PTPRD: variants seen among roughly 807,000 people sequenced by gnomAD.
The protein encoded by PTPRD is protein tyrosine phosphatase receptor type D.
In PTPRD, 34 loss-of-function variants were observed where a neutral mutation model predicts 214.5. The ratio of observed to expected loss-of-function variants is 0.16; its 90% CI spans 0.12 to 0.21. PTPRD has a LOEUF of 0.21. PTPRD is among the 10% of genes least tolerant of loss of function. PTPRD has a pLI of 1.00. For missense variants in PTPRD, 2,545 were observed against 2,398.7 expected, an observed-to-expected ratio of 1.06 and a Z score of -1.27; for synonymous variants, 1,128 against 845.7, an observed-to-expected ratio of 1.33 and a Z score of -5.79.
At chr9:10,604,567 G>T (rs953159243) in intron 2 of PTPRD, among the ~76,000 whole-genome samples, 7 of 151,832 alleles carry the variant, frequency 4.6e-5, no homozygotes, top group Admixed American at 4.6e-4. Flanking sequence ...AGAAAGCCTT[G>T]TTGCTTGCAA....
At chr9:8,433,478 G>T (rs553388622) in intron 35 of PTPRD, among the ~76,000 whole-genome samples, 2 of 152,270 alleles carry the variant, frequency 1.3e-5, no homozygotes, top group African/African-American at 4.8e-5. Context: ...TATCATCATA[G>T]GAGATGACAG....
rs111343678 is a variant in PTPRD, at chr9:8,485,716, C to T, written c.3055+46G>A. On this transcript the variant is annotated intron_variant, in intron 28 of 45. Coordinates refer to ENST00000381196, the MANE Select transcript of PTPRD (RefSeq NM_002839.4). ...GCTTCAAAATACTGATTTCCAAAGA[C>T]TGACAATCCTTTAAAGGAGGAAGGC... 4.2e-5 allele frequency: 62 copies of T among 1,484,832 alleles called. No homozygotes were observed. The African/African-American group carries it at 6.9e-4, about 16-fold the overall frequency. 92.0% of individuals were successfully genotyped at this position (1,484,832 alleles called of 1,614,324 possible).
At chr9:10,267,190 C>CAAA (rs530164049) in intron 3 of PTPRD, among the ~76,000 whole-genome samples, 1 of 76,028 alleles carries the variant, frequency 1.3e-5, no homozygotes, top group African/African-American at 4.8e-5. Context: ...GACTCCGTCT[C>CAAA]AAAAAAAAAA....
chr9:9,786,772 TA>T (rs200353573), intron 5 of PTPRD, among the ~76,000 whole-genome samples: 18 of 151,622 alleles, frequency 1.2e-4, no homozygotes, highest in African/African-American at 3.9e-4. Context: ...TAAAGTATAA[TA>T]AAAAAAAATC....
intron 5 of PTPRD, among the ~76,000 whole-genome samples, chr9:9,876,920 T>G (rs1360085740): frequency 6.6e-6 from 1 of 152,214 alleles, no homozygotes; most frequent in African/African-American, 2.4e-5. Flanking sequence ...AAATACATTA[T>G]TTAAATAGAC....
chr9:10,471,311 T>G (rs1566295173), intron 2 of PTPRD, among the ~76,000 whole-genome samples: 1 of 152,008 alleles, frequency 6.6e-6, no homozygotes, highest in East Asian at 1.9e-4. Flanking sequence ...ATAAATAAAA[T>G]AAAATTATAA....
At chr9:10,279,616 C>T (rs180990282) in intron 3 of PTPRD, among the ~76,000 whole-genome samples, 2 of 151,550 alleles carry the variant, frequency 1.3e-5, no homozygotes, top group Admixed American at 6.6e-5. Flanking sequence ...CGTGTCTACT[C>T]AACCTTCATT....
At chr9:9,242,100 A>G (rs905056290) in intron 9 of PTPRD, among the ~76,000 whole-genome samples, 5 of 151,996 alleles carry the variant, frequency 3.3e-5, no homozygotes, top group African/African-American at 1.2e-4. Context: ...TCCTTCACTT[A>G]TGAAGCTTAG....
At chr9:9,086,681 G>C (rs905554400) in intron 10 of PTPRD, among the ~76,000 whole-genome samples, 3 of 152,096 alleles carry the variant, frequency 2.0e-5, no homozygotes, top group Non-Finnish European at 2.9e-5. Context: ...CATTCCCTTG[G>C]TCCCAGCTGA....
chr9:9,284,558 C>A (rs912810462), intron 9 of PTPRD, among the ~76,000 whole-genome samples: 5 of 151,830 alleles, frequency 3.3e-5, no homozygotes, highest in African/African-American at 9.6e-5. Flanking sequence ...ACATCTTGGT[C>A]AATCATTTCT....
At chr9:8,832,351 T>C (rs1394195755) in intron 11 of PTPRD, among the ~76,000 whole-genome samples, 1 of 148,192 alleles carries the variant, frequency 6.7e-6, no homozygotes, top group Non-Finnish European at 1.5e-5. Context: ...ATTTTTGTAA[T>C]CATGAAAGCA....
At chr9:10,167,445 A>C (rs1243414115) in intron 3 of PTPRD, among the ~76,000 whole-genome samples, 1 of 152,096 alleles carries the variant, frequency 6.6e-6, no homozygotes, top group Admixed American at 6.6e-5. Context: ...GCATATAAAA[A>C]CCCATATATG....
intron 8 of PTPRD, among the ~76,000 whole-genome samples, chr9:9,492,828 C>T (rs552984590): frequency 4.3e-4 from 65 of 150,574 alleles, no homozygotes; most frequent in African/African-American, 1.2e-3. Context: ...CATCATATTT[C>T]GGTAATTTTT....
chr9:10,333,688 A>G (rs1597352699), intron 3 of PTPRD, among the ~76,000 whole-genome samples: 2 of 151,836 alleles, frequency 1.3e-5, no homozygotes, highest in Non-Finnish European at 2.9e-5. Flanking sequence ...ATACACCAGG[A>G]TATCTACGAA....
chr9:10,358,741 A>T (rs952351237), intron 2 of PTPRD, among the ~76,000 whole-genome samples: 1 of 151,978 alleles, frequency 6.6e-6, no homozygotes, highest in African/African-American at 2.4e-5. Flanking sequence ...ACATAATTGC[A>T]TTTTGTGCCC....
intron 3 of PTPRD, among the ~76,000 whole-genome samples, chr9:10,111,485 G>A (rs941571903): frequency 4.0e-5 from 6 of 151,758 alleles, no homozygotes; most frequent in Non-Finnish European, 7.4e-5. Context: ...TGATCCGCCC[G>A]CCTCGGCCTC....
chr9:9,969,488 T>A (rs1182823890), intron 4 of PTPRD, among the ~76,000 whole-genome samples: 1 of 152,226 alleles, frequency 6.6e-6, no homozygotes, highest in Non-Finnish European at 1.5e-5. Flanking sequence ...TGCAACTTAC[T>A]CAACCTCTGC....
chr9:10,514,869 CACCATTAAAA>C (rs1487697270), intron 2 of PTPRD, among the ~76,000 whole-genome samples: 1 of 151,894 alleles, frequency 6.6e-6, no homozygotes, highest in Non-Finnish European at 1.5e-5. Flanking sequence ...CATAGTAGTT[CACCATTAAAA>C]AGAAATTATT....
At chr9:8,415,324 T>G (rs893170517) in intron 35 of PTPRD, among the ~76,000 whole-genome samples, 1 of 152,200 alleles carries the variant, frequency 6.6e-6, no homozygotes, top group Non-Finnish European at 1.5e-5. Context: ...GCATTGGAGA[T>G]GGAAGGAATG....
Sources: allele counts gnomAD v4.1 joint callset (sites outside exome capture counted in the v4.1 genomes callset), GRCh38; gene constraint gnomAD v4.1.1; transcripts MANE v1.5; gene names NCBI Gene and HGNC (gene_info 2026-07-23, HGNC 2026-07-21).